PTPN2: variants seen among roughly 807,000 people sequenced by gnomAD.
PTPN2 encodes tyrosine-protein phosphatase non-receptor type 2.
In PTPN2, 19 loss-of-function variants were observed where a neutral mutation model predicts 57.3. The observed-to-expected ratio is 0.33, with a 90% confidence interval of 0.23 to 0.49. The LOEUF is 0.49. Among genes scored for constraint, PTPN2 ranks in the 20% least tolerant of loss-of-function variants. The pLI is 0.99. For missense variants in PTPN2, 358 were observed against 501.1 expected, an observed-to-expected ratio of 0.71 and a Z score of 2.73; for synonymous variants, 153 against 164.9, an observed-to-expected ratio of 0.93 and a Z score of 0.55.
At chr18:12,798,713 C>T (rs937844425) in intron 8 of PTPN2, among the ~76,000 whole-genome samples, 3 of 152,314 alleles carry the variant, frequency 2.0e-5, no homozygotes, top group Admixed American at 2.0e-4. Context: ...CTGCAATCAA[C>T]ATACGCGTGT....
At chr18:12,880,714 TC>T (rs1374104948) in intron 1 of PTPN2, 2 of 152,284 alleles carry the variant, frequency 1.3e-5, no homozygotes, top group Admixed American at 6.5e-5. Context: ...TCTCCACCCA[TC>T]CTTTTAAATG....
chr18:12,797,220 G>T (rs764032627), intron 8 of PTPN2, among the ~76,000 whole-genome samples: 3 of 152,106 alleles, frequency 2.0e-5, no homozygotes, highest in Non-Finnish European at 4.4e-5. Flanking sequence ...TTTGCCAGGA[G>T]CCTGGGGGTA....
At chr18:12,815,867 A>C (rs746910418) in intron 6 of PTPN2, among the ~76,000 whole-genome samples, 1 of 152,218 alleles carries the variant, frequency 6.6e-6, no homozygotes, top group Non-Finnish European at 1.5e-5. Context: ...AAGCATCATC[A>C]TATTAATTCA....
chr18:12,854,966 C>T (rs1568150572), intron 2 of PTPN2, among the ~76,000 whole-genome samples: 1 of 152,140 alleles, frequency 6.6e-6, no homozygotes. Flanking sequence ...GCCCAGCCAA[C>T]ATGGTGAAAC....
At chr18:12,865,707 G>A (rs1453267796) in intron 1 of PTPN2, among the ~76,000 whole-genome samples, 2 of 151,880 alleles carry the variant, frequency 1.3e-5, no homozygotes, top group Admixed American at 6.6e-5. Flanking sequence ...TGTGTCTGTA[G>A]TCCCAGCTAC....
chr18:12,803,599 A>C (rs1265901761), intron 7 of PTPN2, among the ~76,000 whole-genome samples: 1 of 152,224 alleles, frequency 6.6e-6, no homozygotes, highest in African/African-American at 2.4e-5. Flanking sequence ...GAGTAGCTAT[A>C]TTTTGATAAA....
At chr18:12,875,013 A>T (rs1167255159) in intron 1 of PTPN2, among the ~76,000 whole-genome samples, 1 of 152,028 alleles carries the variant, frequency 6.6e-6, no homozygotes, top group Non-Finnish European at 1.5e-5. Flanking sequence ...TTACCCCCCA[A>T]CCCTGTGCTC....
chr18:12,855,892 C>A (rs1873249920), intron 2 of PTPN2, among the ~76,000 whole-genome samples: 1 of 152,162 alleles, frequency 6.6e-6, no homozygotes. Flanking sequence ...ATATGCTTCA[C>A]TACATTTTTT....
At chr18:12,848,539 C>G (rs1435142846) in intron 2 of PTPN2, among the ~76,000 whole-genome samples, 3 of 152,238 alleles carry the variant, frequency 2.0e-5, no homozygotes, top group Non-Finnish European at 2.9e-5. Flanking sequence ...TCTAAGAATG[C>G]TCACTCTTGA....
At chr18:12,881,541 A>C (rs2044667350) in intron 1 of PTPN2, among the ~76,000 whole-genome samples, 1 of 152,098 alleles carries the variant, frequency 6.6e-6, no homozygotes, top group South Asian at 2.1e-4. Flanking sequence ...GCTCTGCCTT[A>C]CTCTCCAGCA....
chr18:12,799,788 G>A (rs991600536), intron 8 of PTPN2, among the ~76,000 whole-genome samples: 20 of 152,004 alleles, frequency 1.3e-4, no homozygotes, highest in Admixed American at 1.1e-3. Context: ...CACTCTCAGT[G>A]CCTGGTTAAT....
At chr18:12,883,976 A>G (rs1358120854) in intron 1 of PTPN2, 97 bp downstream of exon 1, 2 of 1,103,446 alleles carry the variant, frequency 1.8e-6, no homozygotes, top group Admixed American at 4.7e-5. Context: ...GAGAGGCTAG[A>G]GGCGAGAGGC....
intron 1 of PTPN2, among the ~76,000 whole-genome samples, chr18:12,875,098 G>A (rs1290687466): frequency 1.1e-4 from 16 of 152,076 alleles, no homozygotes; most frequent in Admixed American, 9.8e-4. Flanking sequence ...TTAAACAGAT[G>A]CTTGAAGGCA....
rs71174150 is a variant in PTPN2, at chr18:12,876,296, A to AAAG, written c.69+7774_69+7776dup. ...GCCTGGCCAACAAGAACAACAACAAAAAGAAGAAGAAGAAGAAGAAATTTG... is the reference window on the plus strand; with the variant it reads ...GCCTGGCCAACAAGAACAACAACAAAAAGAAGAAGAAGAAGAAGAAGAAATTTG... On this transcript the variant is annotated intron_variant, in intron 1 of 8. Coordinates refer to ENST00000309660, the MANE Select transcript of PTPN2 (RefSeq NM_002828.4). Among the ~76,000 whole-genome samples, 817 of 145,188 alleles carry AAAG rather than the reference A, an allele frequency of 5.6e-3. 13 individuals carry two copies. The highest frequency in any genetic ancestry group is 0.02 in the African/African-American group (746 of 37,488).
At chr18:12,858,733 T>C (rs180920825) in intron 2 of PTPN2, among the ~76,000 whole-genome samples, 1 of 152,338 alleles carries the variant, frequency 6.6e-6, no homozygotes, top group African/African-American at 2.4e-5. Flanking sequence ...CTCTGTTTTC[T>C]AAGTTTTCTA....
chr18:12,820,856 T>C (rs1568111677), intron 5 of PTPN2, among the ~76,000 whole-genome samples: 1 of 152,212 alleles, frequency 6.6e-6, no homozygotes, highest in Non-Finnish European at 1.5e-5. Context: ...CAAAATCCCA[T>C]TTACATTTTT....
Position 12,793,959 on chromosome 18 carries a change from C to G in PTPN2, c.*319G>C. On this transcript the variant is annotated 3_prime_UTR_variant, in exon 9 of 9. Transcript: ENST00000309660. ...TCCAGATAGCCTCCAAAAACAAATC[C>G]TGTGATAAAGGATATCTCAATGTTG... is the stretch of plus-strand genomic sequence containing the variant. The G allele has an allele frequency of 8.6e-7, 1 of 1,158,668 alleles. No individual in the cohort carries two copies. The highest frequency in any genetic ancestry group is 1.1e-6 in the Non-Finnish European group (1 of 938,614). The allele number at this position is 1,158,668 out of a possible 1,614,324, so 71.8% of individuals were successfully genotyped here. A position where few individuals can be genotyped will look rare whatever the true frequency, so the allele number is the denominator to read the frequency against.
At chr18:12,851,738 A>G (rs778437085) in intron 2 of PTPN2, among the ~76,000 whole-genome samples, 1 of 152,212 alleles carries the variant, frequency 6.6e-6, no homozygotes, top group South Asian at 2.1e-4. Context: ...AAAGCATAGA[A>G]GTTTTCCCTT....
downstream of PTPN2, among the ~76,000 whole-genome samples, chr18:12,788,432 C>CTTTT (rs71174142): frequency 0.025 from 2,265 of 90,026 alleles, 193 homozygotes; most frequent in African/African-American, 0.098. Context: ...GGGATCAGGG[C>CTTTT]TTTTTTTTTT....
Sources: allele counts gnomAD v4.1 joint callset (sites outside exome capture counted in the v4.1 genomes callset), GRCh38; gene constraint gnomAD v4.1.1; transcripts MANE v1.5; gene names NCBI Gene and HGNC (gene_info 2026-07-23, HGNC 2026-07-21).